The following HOOK1 variants were observed in gnomAD, a reference collection of about 807,000 sequenced individuals.
The protein encoded by HOOK1 is protein Hook homolog 1.
A neutral mutation model predicts 112.8 loss-of-function variants in HOOK1; 60 were observed. The ratio of observed to expected loss-of-function variants is 0.53; its 90% CI spans 0.43 to 0.66. HOOK1 has a LOEUF of 0.66. HOOK1 is among the 30% of genes least tolerant of loss of function. The pLI is 0.00. For synonymous variants in HOOK1, 294 were observed against 283.8 expected (o/e 1.04, Z -0.36); for missense variants, 770 against 856.0 (o/e 0.90, Z 1.25).
At chr1:59,850,415 T>C (rs1318596176) in intron 12 of HOOK1, among the ~76,000 whole-genome samples, 1 of 151,434 alleles carries the variant, frequency 6.6e-6, no homozygotes, top group Non-Finnish European at 1.5e-5. Context: ...GCTTGTCTTT[T>C]TTTGGTGATG....
At chr1:59,868,469 T>G in intron 20 of HOOK1, 118 bp downstream of exon 20, 1 of 702,586 alleles carries the variant, frequency 1.4e-6, no homozygotes, top group Non-Finnish European at 2.5e-6. Context: ...TGTCATGTTT[T>G]AGCACCCAGT....
At chr1:59,830,906 T>G (rs988530050) in intron 3 of HOOK1, among the ~76,000 whole-genome samples, 1 of 151,596 alleles carries the variant, frequency 6.6e-6, no homozygotes, top group Admixed American at 6.6e-5. Context: ...TTAAGTTTTT[T>G]TTTTTTTTTC....
At chr1:59,837,694 A>T (rs2098398646) in intron 7 of HOOK1, among the ~76,000 whole-genome samples, 1 of 151,788 alleles carries the variant, frequency 6.6e-6, no homozygotes, top group South Asian at 2.1e-4. Flanking sequence ...AAAGACAACA[A>T]TTTTTTTTAT....
At chr1:59,834,861 A>G (rs914034677) in intron 5 of HOOK1, among the ~76,000 whole-genome samples, 3 of 151,922 alleles carry the variant, frequency 2.0e-5, no homozygotes, top group Non-Finnish European at 4.4e-5. Flanking sequence ...TTTATCTCAT[A>G]CGTTTTTCTT....
At chr1:59,818,149 T>C (rs943449545) in intron 1 of HOOK1, among the ~76,000 whole-genome samples, 5 of 152,158 alleles carry the variant, frequency 3.3e-5, no homozygotes, top group South Asian at 2.1e-4. Flanking sequence ...ACACTAGTAG[T>C]AAAACAAATG....
rs1416070119 is a variant in HOOK1 at position 59,847,133 on chromosome 1, A to AATTCCTTC, written c.877_878insATTCCTTC (p.Thr293AsnfsTer13). 1 of 1,608,382 alleles carries AATTCCTTC rather than the reference A, an allele frequency of 6.2e-7. No individual in the cohort carries two copies. Among genetic ancestry groups the AATTCCTTC allele is most frequent in the East Asian group, 2.2e-5 (1 of 44,626 alleles). On this transcript the variant is annotated frameshift_variant, in exon 10 of 22. Coordinates refer to ENST00000371208, the MANE Select transcript of HOOK1 (RefSeq NM_015888.6). LOFTEE classifies it high-confidence loss of function. ...ATTCCAGCATAGGAATGATGAATTG[A>AATTCCTTC]CTAGTCTTGCAGAAGAAACAAGAGC...
chr1:59,842,694 T>G (rs184494696), intron 8 of HOOK1, among the ~76,000 whole-genome samples: 59 of 152,248 alleles, frequency 3.9e-4, no homozygotes, highest in African/African-American at 1.4e-3. Context: ...TCAAACTAAT[T>G]CTTAATCATA....
At chr1:59,856,680 C>T (rs1483547302) in intron 12 of HOOK1, among the ~76,000 whole-genome samples, 1 of 152,020 alleles carries the variant, frequency 6.6e-6, no homozygotes, top group Non-Finnish European at 1.5e-5. Context: ...TGTTGTGTAG[C>T]CACTGAAGTC....
chr1:59,825,808 T>G (rs536415995), intron 2 of HOOK1, among the ~76,000 whole-genome samples: 2 of 152,286 alleles, frequency 1.3e-5, no homozygotes, highest in East Asian at 3.9e-4. Context: ...CAGTTGTGTA[T>G]AAAGTATAGA....
In HOOK1 at chr1:59,817,792, CT is replaced by C. The variant is rs774402048; in HGVS notation, c.63+2614del. On this transcript the variant is annotated intron_variant, in intron 1 of 21. Transcript: ENST00000371208. ...CCATTTCTAAAGTTTGTCTCCCACC[CT>C]TATCCCACTGTAACCTGTTAACCTC... is the stretch of plus-strand genomic sequence containing the variant. Among the ~76,000 whole-genome samples the C allele has an allele frequency of 9.8e-5, 15 of 152,330 alleles. No individual in the cohort carries two copies. The East Asian group carries it at 2.1e-3, about 22-fold the overall frequency.
In HOOK1 at chr1:59,865,249, G is replaced by A; in HGVS notation, c.1744+4G>A. On this transcript the variant is annotated splice_donor_region_variant and intron_variant, in intron 18 of 21. Transcript: ENST00000371208. ...CAGCCAGATATAAATCAAAATGGTA[G>A]GTATCTGTGAAAACTTGGATCAGAC... is the stretch of plus-strand genomic sequence containing the variant. 1.3e-6 allele frequency: 2 copies of A among 1,564,850 alleles called. No homozygotes were observed. The highest frequency in any genetic ancestry group is 8.8e-7 in the Non-Finnish European group (1 of 1,135,324).
At position 59,862,895 on chromosome 1, in the gene HOOK1, TATA is replaced by T; in HGVS notation, c.1626+24_1626+26del. The T allele has an allele frequency of 7.1e-7, 1 of 1,415,184 alleles. No individual in the cohort carries two copies. Among genetic ancestry groups the T allele is most frequent in the Non-Finnish European group, 1.0e-6 (1 of 999,496 alleles). The allele number at this position is 1,415,184 out of a possible 1,614,324, so 87.7% of individuals were successfully genotyped here. A position where few individuals can be genotyped will look rare whatever the true frequency, so the allele number is the denominator to read the frequency against. ...GCGAAAGTGTAAGTAACTTAGAAAT[TATA>T]ATAATTCTGCTGTGTATGGCTTTTC... On this transcript the variant is annotated intron_variant, in intron 16 of 21. Transcript: ENST00000371208.
At position 59,843,593 on chromosome 1, in the gene HOOK1, C is replaced by G. The variant is rs1161021442; in HGVS notation, c.783C>G (p.Asn261Lys). ...AACTAGAACAATTACAGGAAGAAAA[C>G]TTCAGGTAGCATTTTTAATGGAAAT... The part of the protein sequence containing the change: ...QLQLEQLQEE[N>K]FRLEAAKDDY... Residue 261 changes from asparagine (N) to lysine (K), a missense_variant, in exon 9 of 22, where the codon AAC becomes AAG. Asn to Lys is a moderately conservative substitution (Grantham distance 94, BLOSUM62 0). Coordinates refer to ENST00000371208, the MANE Select transcript of HOOK1 (RefSeq NM_015888.6). 6.3e-7 allele frequency: 1 copy of G among 1,591,964 alleles called. No homozygotes were observed. The highest frequency in any genetic ancestry group is 2.3e-5 in the East Asian group (1 of 44,356).
intron 7 of HOOK1, among the ~76,000 whole-genome samples, chr1:59,839,290 G>A (rs2102029523): frequency 6.6e-6 from 1 of 152,290 alleles, no homozygotes; most frequent in South Asian, 2.1e-4. Flanking sequence ...ACCTTGGGCA[G>A]TATGGCCATT....
intron 6 of HOOK1, among the ~76,000 whole-genome samples, chr1:59,835,786 C>T (rs567910604): frequency 5.7e-4 from 87 of 152,044 alleles, no homozygotes; most frequent in Non-Finnish European, 1.0e-3. Flanking sequence ...ATTAGATTCA[C>T]GTAAGAAGCG....
chr1:59,839,981 A>T (rs1316030499), intron 7 of HOOK1, among the ~76,000 whole-genome samples: 1 of 151,964 alleles, frequency 6.6e-6, no homozygotes, highest in African/African-American at 2.4e-5. Context: ...TGTTTATGTG[A>T]TGGATTACAT....
chr1:59,858,126 C>G (rs931259804), intron 12 of HOOK1, among the ~76,000 whole-genome samples: 4 of 152,176 alleles, frequency 2.6e-5, no homozygotes, highest in African/African-American at 9.7e-5. Context: ...AATTGGTATT[C>G]AAACCATGGT....
In HOOK1 at chr1:59,848,661, T is replaced by G. The variant is rs562396734; in HGVS notation, c.1131+145T>G. On this transcript the variant is annotated intron_variant, in intron 11 of 21. Coordinates refer to ENST00000371208, the MANE Select transcript of HOOK1 (RefSeq NM_015888.6). ...TATTCTGATGAATTTCTTTCTTTAATTTTAATTCAAGGATTGATAATTGAG... is the reference window on the plus strand; with the variant it reads ...TATTCTGATGAATTTCTTTCTTTAAGTTTAATTCAAGGATTGATAATTGAG... The G allele has an allele frequency of 6.6e-6, 4 of 602,692 alleles. No homozygotes were observed. The South Asian group carries it at 1.0e-4, about 15-fold the overall frequency. The allele number at this position is 602,692 out of a possible 1,614,324, so 37.3% of individuals were successfully genotyped here. A position where few individuals can be genotyped will look rare whatever the true frequency, so the allele number is the denominator to read the frequency against.
chr1:59,815,175 A>T lies in HOOK1; in HGVS notation c.58A>T (p.Ile20Phe). The stretch of plus-strand genomic sequence containing the variant: ...GCTGCCCCTGTGCGACAGCCTCATG[A>T]TCTGGGTGAGTGCGAGGAGGCGAGA... ...PKLPLCDSLM[I>F]WLQTFNTASP... The change falls in exon 1 of 22, where the codon ATC (isoleucine) becomes TTC (phenylalanine). Residue 20 changes from isoleucine (I) to phenylalanine (F), a missense_variant. By Grantham distance (21) the Ile-to-Phe change is conservative. Coordinates refer to ENST00000371208, the MANE Select transcript of HOOK1 (RefSeq NM_015888.6). The T allele has an allele frequency of 6.5e-7, 1 of 1,543,784 alleles. No individual in the cohort carries two copies.
Sources: gnomAD v4.1 joint callset for allele counts (sites outside exome capture counted in the v4.1 genomes callset) on GRCh38, gnomAD v4.1.1 for gene constraint, MANE v1.5 for transcripts, NCBI Gene and HGNC (gene_info 2026-07-23, HGNC 2026-07-21) for gene names.